The following LRRC4C variants were observed in gnomAD, a reference collection of about 807,000 sequenced individuals.
The protein encoded by LRRC4C is leucine rich repeat containing 4C.
LRRC4C carries 5 observed loss-of-function variants against 33.6 expected under a neutral mutation model. The observed-to-expected ratio is 0.15, with a 90% CI of 0.08 to 0.31. The LOEUF (loss-of-function observed/expected upper bound fraction) is 0.31. LRRC4C is among the 10% of genes least tolerant of loss of function. LRRC4C has a pLI of 1.00. For synonymous variants in LRRC4C, 329 were observed against 302.0 expected (o/e 1.09, Z -0.93); for missense variants, 560 against 796.7 (o/e 0.70, Z 3.58).
intron 4 of LRRC4C, among the ~76,000 whole-genome samples, chr11:40,307,467 A>G (rs1945096426): frequency 6.6e-6 from 1 of 152,130 alleles, no homozygotes; most frequent in Non-Finnish European, 1.5e-5. Context: ...ATGCCTATCC[A>G]TCCTCTAAAA....
At chr11:40,508,852 C>T (rs1955166468) in intron 3 of LRRC4C, among the ~76,000 whole-genome samples, 1 of 151,950 alleles carries the variant, frequency 6.6e-6, no homozygotes, top group Non-Finnish European at 1.5e-5. Context: ...AAAAGCATCA[C>T]CATAAGTAAT....
chr11:40,720,254 T>C (rs1946946498), intron 2 of LRRC4C, among the ~76,000 whole-genome samples: 1 of 152,220 alleles, frequency 6.6e-6, no homozygotes, highest in Non-Finnish European at 1.5e-5. Flanking sequence ...TTTATAAAGA[T>C]AACTCCATTT....
At chr11:40,911,840 G>A (rs909537933) in intron 2 of LRRC4C, among the ~76,000 whole-genome samples, 1 of 152,182 alleles carries the variant, frequency 6.6e-6, no homozygotes, top group Non-Finnish European at 1.5e-5. Flanking sequence ...CCAATGCAGA[G>A]AAGTCCTTCA....
intron 3 of LRRC4C, among the ~76,000 whole-genome samples, chr11:40,539,144 G>C (rs1956601243): frequency 6.6e-6 from 1 of 152,126 alleles, no homozygotes; most frequent in South Asian, 2.1e-4. Context: ...CTGCTAATGT[G>C]ACCCAAATTA....
At chr11:40,445,117 A>G in intron 3 of LRRC4C, among the ~76,000 whole-genome samples, 1 of 152,154 alleles carries the variant, frequency 6.6e-6, no homozygotes, top group East Asian at 1.9e-4. Flanking sequence ...AATGTTCATC[A>G]TTTCTGACCA....
chr11:40,475,641 T>C (rs1953176576), intron 3 of LRRC4C, among the ~76,000 whole-genome samples: 1 of 152,134 alleles, frequency 6.6e-6, no homozygotes, highest in Non-Finnish European at 1.5e-5. Context: ...TTTAACATCC[T>C]GGTTCAGTGG....
chr11:40,541,773 T>G (rs573692505), intron 3 of LRRC4C, among the ~76,000 whole-genome samples: 1 of 152,258 alleles, frequency 6.6e-6, no homozygotes, highest in East Asian at 1.9e-4. Flanking sequence ...CTGCCTAACC[T>G]TGATGTTTTC....
chr11:41,336,330 C>CAGATTTTACAAATTTTTACAAATTT (rs1243444044), intron 1 of LRRC4C, among the ~76,000 whole-genome samples: 2 of 150,262 alleles, frequency 1.3e-5, no homozygotes, highest in Non-Finnish European at 1.5e-5. Flanking sequence ...AGAATTTTTA[C>CAGATTTTACAAATTTTTACAAATTT]ACAGATTTTA....
intron 3 of LRRC4C, among the ~76,000 whole-genome samples, chr11:40,451,544 C>T (rs1951888112): frequency 6.6e-6 from 1 of 151,650 alleles, no homozygotes; most frequent in South Asian, 2.1e-4. Context: ...TGCCACCATG[C>T]CTGGCAAATT....
chr11:40,694,382 C>T (rs528532351), intron 2 of LRRC4C, among the ~76,000 whole-genome samples: 9 of 152,232 alleles, frequency 5.9e-5, no homozygotes, highest in Non-Finnish European at 1.3e-4. Flanking sequence ...TGGAAATCAT[C>T]TGGCACATTT....
At chr11:40,433,077 A>T (rs1305534958) in intron 3 of LRRC4C, among the ~76,000 whole-genome samples, 1 of 152,182 alleles carries the variant, frequency 6.6e-6, no homozygotes, top group Non-Finnish European at 1.5e-5. Flanking sequence ...CTCCAAATAC[A>T]CACACTTACA....
intron 5 of LRRC4C, among the ~76,000 whole-genome samples, chr11:40,184,932 A>T (rs1161213443): frequency 6.6e-6 from 1 of 152,214 alleles, no homozygotes; most frequent in Admixed American, 6.5e-5. Flanking sequence ...ATCCCTATTT[A>T]TCCCAGGAGA....
At chr11:40,511,944 GT>G (rs1955337052) in intron 3 of LRRC4C, among the ~76,000 whole-genome samples, 1 of 151,946 alleles carries the variant, frequency 6.6e-6, no homozygotes, top group Non-Finnish European at 1.5e-5. Flanking sequence ...AATTACATGC[GT>G]TTTCAGATGT....
chr11:40,920,393 C>A (rs1957122362), intron 2 of LRRC4C, among the ~76,000 whole-genome samples: 2 of 152,100 alleles, frequency 1.3e-5, no homozygotes, highest in South Asian at 2.1e-4. Context: ...TAAATAAAAG[C>A]ATTTTAATTT....
intron 3 of LRRC4C, among the ~76,000 whole-genome samples, chr11:40,331,627 T>C (rs1329974638): frequency 6.6e-6 from 1 of 152,196 alleles, no homozygotes; most frequent in African/African-American, 2.4e-5. Flanking sequence ...GCAGGCATCA[T>C]TCAACTGGTT....
intron 1 of LRRC4C, among the ~76,000 whole-genome samples, chr11:41,011,474 A>C (rs978397707): frequency 6.6e-6 from 1 of 152,134 alleles, no homozygotes; most frequent in Non-Finnish European, 1.5e-5. Context: ...TGCAACTTTT[A>C]TTCTACTTTA....
At chr11:41,245,736 A>C (rs922839747) in intron 1 of LRRC4C, among the ~76,000 whole-genome samples, 1 of 152,210 alleles carries the variant, frequency 6.6e-6, no homozygotes, top group Non-Finnish European at 1.5e-5. Flanking sequence ...TTTGGCAGGT[A>C]CTGAGTTCTT....
intron 3 of LRRC4C, among the ~76,000 whole-genome samples, chr11:40,413,937 C>A (rs1405295506): frequency 1.3e-5 from 2 of 152,044 alleles, no homozygotes; most frequent in African/African-American, 4.8e-5. Flanking sequence ...TGATTCTCTC[C>A]TTTAAATGGT....
intron 2 of LRRC4C, among the ~76,000 whole-genome samples, chr11:40,848,640 T>C (rs564178320): frequency 6.6e-5 from 10 of 152,334 alleles, no homozygotes; most frequent in South Asian, 2.1e-4. Flanking sequence ...GGTGGAGAGT[T>C]CTGTAGATGT....
Sources: allele counts gnomAD v4.1 joint callset (sites outside exome capture counted in the v4.1 genomes callset), GRCh38; gene constraint gnomAD v4.1.1; transcripts MANE v1.5; gene names NCBI Gene and HGNC (gene_info 2026-07-23, HGNC 2026-07-21).